ZNF679: variants seen among roughly 807,000 people sequenced by gnomAD.
ZNF679 encodes the protein zinc finger protein 679, also known as hypothetical protein MGC42415.
Under a neutral mutation model 13.4 loss-of-function variants are expected in ZNF679, and 10 were observed. The observed-to-expected ratio is 0.75, with a 90% CI of 0.46 to 1.27. The LOEUF is 1.27. Among genes scored for constraint, ZNF679 ranks in the 50% most tolerant of loss-of-function variants. The pLI is 0.00. For missense variants in ZNF679, 525 were observed against 477.8 expected, an observed-to-expected ratio of 1.10 and a Z score of -0.92; for synonymous variants, 179 against 162.5, an observed-to-expected ratio of 1.10 and a Z score of -0.77.
chr7:64,246,407 G>A (rs892920065), intron 1 of ZNF679, among the ~76,000 whole-genome samples: 9 of 152,160 alleles, frequency 5.9e-5, no homozygotes, highest in African/African-American at 2.2e-4. Flanking sequence ...GAACCGAAGA[G>A]TGGGTTCTTG....
chr7:64,239,788 C>G, intron 1 of ZNF679, among the ~76,000 whole-genome samples: 1 of 152,124 alleles, frequency 6.6e-6, no homozygotes, highest in East Asian at 1.9e-4. Context: ...GGTCTTCTGC[C>G]TAGGACGTGT....
intron 2 of ZNF679, among the ~76,000 whole-genome samples, chr7:64,253,977 G>T (rs927528449): frequency 6.6e-6 from 1 of 152,138 alleles, no homozygotes; most frequent in African/African-American, 2.4e-5. Context: ...AAGAAAAGTA[G>T]AAATTTGCAG....
chr7:64,232,782 C>A (rs76483400), intron 1 of ZNF679, among the ~76,000 whole-genome samples: 1 of 152,128 alleles, frequency 6.6e-6, no homozygotes, highest in Non-Finnish European at 1.5e-5. Context: ...ACAATCTTCA[C>A]TTGGGGCAGG....
chr7:64,258,421 G>T lies in ZNF679; in HGVS notation c.40-1800G>T, dbSNP rs140253508. ...TGTCTCAGATCAAGAGTAGTGTGCG[G>T]GCCGGGCGTGGTGGCTTACGCATAT... On this transcript the variant is annotated intron_variant, in intron 2 of 4. Coordinates refer to ENST00000421025, the MANE Select transcript of ZNF679 (RefSeq NM_153363.3). 3.7e-4 allele frequency among the ~76,000 whole-genome samples: 56 copies of T among 152,126 alleles called. No homozygotes were observed. The East Asian group carries it at 9.9e-3, about 27-fold the overall frequency.
chr7:64,259,476 A>T (rs1377890570), intron 2 of ZNF679, among the ~76,000 whole-genome samples: 10 of 152,202 alleles, frequency 6.6e-5, no homozygotes, highest in Admixed American at 6.5e-4. Flanking sequence ...TAACATAAAC[A>T]GGATGGCACT....
chr7:64,241,196 C>T (rs987319716), intron 1 of ZNF679, among the ~76,000 whole-genome samples: 6 of 152,174 alleles, frequency 3.9e-5, no homozygotes, highest in Non-Finnish European at 5.9e-5. Context: ...TAGTCTGTGA[C>T]CATCCTGCAA....
At chr7:64,258,355 AAG>A (rs1262198740) in intron 2 of ZNF679, among the ~76,000 whole-genome samples, 2 of 152,086 alleles carry the variant, frequency 1.3e-5, no homozygotes, top group African/African-American at 2.4e-5. Context: ...ATTTCAGAGA[AAG>A]AGGAGGAAAA....
chr7:64,242,584 T>A (rs1366750994), intron 1 of ZNF679, among the ~76,000 whole-genome samples: 1 of 152,214 alleles, frequency 6.6e-6, no homozygotes, highest in African/African-American at 2.4e-5. Context: ...AACTGTGGAC[T>A]GTATCTGTCA....
At chr7:64,262,562 G>C (rs1005685098) in intron 4 of ZNF679, among the ~76,000 whole-genome samples, 1 of 152,052 alleles carries the variant, frequency 6.6e-6, no homozygotes, top group African/African-American at 2.4e-5. Flanking sequence ...ATTGTCTGTT[G>C]AAGGGATTAT....
chr7:64,229,284 T>C (rs191477756), intron 1 of ZNF679, among the ~76,000 whole-genome samples: 1 of 152,142 alleles, frequency 6.6e-6, no homozygotes, highest in Non-Finnish European at 1.5e-5. Flanking sequence ...AGTGTTGTGA[T>C]TTTTTTGTGA....
chr7:64,241,794 G>T (rs1232699144), intron 1 of ZNF679, among the ~76,000 whole-genome samples: 1 of 152,174 alleles, frequency 6.6e-6, no homozygotes, highest in African/African-American at 2.4e-5. Context: ...TGAGGACAGG[G>T]CTCATGCAGG....
Position 64,260,244 on chromosome 7 carries a change from A to C in ZNF679, c.63A>C (p.Val21=), listed in dbSNP as rs373461913. 41 of 1,609,008 alleles carry C rather than the reference A, an allele frequency of 2.5e-5. No individual in the cohort carries two copies. The highest frequency in any genetic ancestry group is 3.2e-5 in the Non-Finnish European group (38 of 1,178,792). ...REMGLLTFRD[V]VIEFSLEEWQ... is the part of the protein sequence containing the mutation. ...AGGGACTGTTGACATTCAGAGATGT[A>C]GTCATAGAATTCTCTCTGGAGGAGT... is the stretch of plus-strand genomic sequence containing the variant. Residue 21 remains valine, a synonymous_variant, in exon 3 of 5, where the codon GTA becomes GTC. Coordinates refer to ENST00000421025, the MANE Select transcript of ZNF679 (RefSeq NM_153363.3).
chr7:64,239,465 T>G (rs1787766239), intron 1 of ZNF679, among the ~76,000 whole-genome samples: 1 of 152,180 alleles, frequency 6.6e-6, no homozygotes, highest in Admixed American at 6.5e-5. Context: ...TGACATGCAC[T>G]TCTACCTAGA....
intron 1 of ZNF679, among the ~76,000 whole-genome samples, chr7:64,245,185 C>A (rs1787850421): frequency 6.6e-6 from 1 of 152,154 alleles, no homozygotes; most frequent in African/African-American, 2.4e-5. Flanking sequence ...CACCACCACC[C>A]TGGCTAATTT....
rs778775086 is a variant in ZNF679 at position 64,266,479 on chromosome 7, A to G, written c.846A>G (p.Thr282=). The G allele has an allele frequency of 1.9e-6, 3 of 1,611,936 alleles. No individual in the cohort carries two copies. The highest frequency in any genetic ancestry group is 2.5e-6 in the Non-Finnish European group (3 of 1,179,278). Reference sequence around the variant, plus strand: ...GCCAAGCCTTTAGCCGCTCCTCAACACTTGCTAACCACAAGAGAATTCATA... The same window carrying G: ...GCCAAGCCTTTAGCCGCTCCTCAACGCTTGCTAACCACAAGAGAATTCATA... ...ECGQAFSRSS[T]LANHKRIHTG... is the part of the protein sequence containing the mutation. Residue 282 remains threonine (T), a synonymous_variant, in exon 5 of 5, where the codon ACA becomes ACG. Transcript: ENST00000421025.
At chr7:64,258,069 G>T (rs573605002) in intron 2 of ZNF679, among the ~76,000 whole-genome samples, 1 of 152,088 alleles carries the variant, frequency 6.6e-6, no homozygotes, top group African/African-American at 2.4e-5. Context: ...AGGTCAGTGC[G>T]GTTCGTGCTC....
intron 1 of ZNF679, among the ~76,000 whole-genome samples, chr7:64,231,838 G>C (rs890904277): frequency 2.6e-5 from 4 of 152,200 alleles, no homozygotes; most frequent in African/African-American, 9.7e-5. Context: ...AAGCAGTCAG[G>C]TGCTAGGCAA....
intron 1 of ZNF679, among the ~76,000 whole-genome samples, chr7:64,246,794 G>A (rs990208148): frequency 1.3e-4 from 20 of 151,586 alleles, no homozygotes; most frequent in Admixed American, 8.6e-4. Flanking sequence ...AAGGAAGGGA[G>A]GGATTTTGGG....
At chr7:64,236,613 C>T (rs1787715970) in intron 1 of ZNF679, among the ~76,000 whole-genome samples, 1 of 151,902 alleles carries the variant, frequency 6.6e-6, no homozygotes, top group Non-Finnish European at 1.5e-5. Flanking sequence ...GGCGAAACCT[C>T]ATCTCTTAAA....
Sources: gnomAD v4.1 joint callset for allele counts (sites outside exome capture counted in the v4.1 genomes callset) on GRCh38, gnomAD v4.1.1 for gene constraint, MANE v1.5 for transcripts, NCBI Gene and HGNC (gene_info 2026-07-23, HGNC 2026-07-21) for gene names.